OLA1: variants seen among roughly 807,000 people sequenced by gnomAD.
OLA1 encodes the protein Obg like ATPase 1.
Under a neutral mutation model 48.4 loss-of-function variants are expected in OLA1, and 14 were observed. The ratio of observed to expected loss-of-function variants is 0.29; its 90% CI spans 0.19 to 0.45. The LOEUF is 0.45. Ranked by LOEUF, OLA1 falls within the 20% of genes least tolerant of loss-of-function variation. The pLI is 1.00. For missense variants in OLA1, 325 were observed against 467.1 expected, an observed-to-expected ratio of 0.70 and a Z score of 2.80; for synonymous variants, 127 against 150.4, an observed-to-expected ratio of 0.84 and a Z score of 1.14.
chr2:174,147,685 C>A (rs1686642564), intron 4 of OLA1, among the ~76,000 whole-genome samples: 1 of 152,144 alleles, frequency 6.6e-6, no homozygotes, highest in South Asian at 2.1e-4. Flanking sequence ...TGACACCGAC[C>A]AAATGCTAAT....
At chr2:174,225,205 C>G (rs1244339588) in intron 3 of OLA1, among the ~76,000 whole-genome samples, 1 of 152,108 alleles carries the variant, frequency 6.6e-6, no homozygotes, top group African/African-American at 2.4e-5. Context: ...CTCTTGCTCC[C>G]CCTGTCTCCA....
chr2:174,183,026 G>A (rs1391665513), intron 4 of OLA1, among the ~76,000 whole-genome samples: 1 of 152,148 alleles, frequency 6.6e-6, no homozygotes, highest in Non-Finnish European at 1.5e-5. Flanking sequence ...TCACCCTTAA[G>A]TGGCTCCATA....
chr2:174,150,732 G>T (rs1686725509), intron 4 of OLA1, among the ~76,000 whole-genome samples: 1 of 152,174 alleles, frequency 6.6e-6, no homozygotes, highest in Non-Finnish European at 1.5e-5. Flanking sequence ...AATGTGCTAA[G>T]TCTGTGAGAA....
At chr2:174,076,520 G>T (rs1016910593) in intron 10 of OLA1, among the ~76,000 whole-genome samples, 6 of 152,056 alleles carry the variant, frequency 3.9e-5, no homozygotes, top group Non-Finnish European at 4.4e-5. Context: ...TGATAAGAAT[G>T]TTCAAAGCCA....
intron 4 of OLA1, among the ~76,000 whole-genome samples, chr2:174,178,340 C>T (rs187524451): frequency 9.9e-5 from 15 of 151,982 alleles, no homozygotes; most frequent in Non-Finnish European, 2.2e-4. Flanking sequence ...CTGGGAAGAA[C>T]TAAACTAATT....
At chr2:174,110,097 T>A (rs920964133) in intron 7 of OLA1, among the ~76,000 whole-genome samples, 2 of 149,022 alleles carry the variant, frequency 1.3e-5, no homozygotes, top group Non-Finnish European at 3.0e-5. Context: ...AAGGATTTTT[T>A]TTTTTTTTTT....
intron 7 of OLA1, among the ~76,000 whole-genome samples, chr2:174,114,235 G>C (rs1340848950): frequency 2.0e-5 from 3 of 147,302 alleles, no homozygotes; most frequent in Non-Finnish European, 4.5e-5. Context: ...CCAGCTACTC[G>C]GAAGGCTGAG....
At chr2:174,110,302 A>ATTTTTTTTTTTTTT (rs575026912) in intron 7 of OLA1, among the ~76,000 whole-genome samples, 12 of 113,888 alleles carry the variant, frequency 1.1e-4, no homozygotes, top group South Asian at 5.7e-4. Flanking sequence ...CCATGCTTGG[A>ATTTTTTTTTTTTTT]TTTTTTTTTT....
At chr2:174,235,850 G>A (rs1249940243) in intron 2 of OLA1, among the ~76,000 whole-genome samples, 1 of 152,142 alleles carries the variant, frequency 6.6e-6, no homozygotes, top group Non-Finnish European at 1.5e-5. Context: ...AAACAGAGTA[G>A]GATGAACAGT....
intron 4 of OLA1, among the ~76,000 whole-genome samples, chr2:174,212,442 G>A (rs1688264678): frequency 6.6e-6 from 1 of 152,260 alleles, no homozygotes; most frequent in East Asian, 1.9e-4. Flanking sequence ...GTGAATGACT[G>A]GAACATTGAC....
intron 4 of OLA1, among the ~76,000 whole-genome samples, chr2:174,157,663 C>T (rs185943982): frequency 6.6e-6 from 1 of 152,114 alleles, no homozygotes; most frequent in Admixed American, 6.5e-5. Flanking sequence ...TATTTTATAA[C>T]CTTTATTCAT....
chr2:174,190,025 T>C (rs1487233482), intron 4 of OLA1, among the ~76,000 whole-genome samples: 1 of 152,126 alleles, frequency 6.6e-6, no homozygotes, highest in Non-Finnish European at 1.5e-5. Context: ...GTGGAGGCCC[T>C]CCAGGAGACT....
chr2:174,168,920 G>A (rs1209341154), intron 4 of OLA1, among the ~76,000 whole-genome samples: 1 of 150,970 alleles, frequency 6.6e-6, no homozygotes, highest in Non-Finnish European at 1.5e-5. Context: ...CAGAGCCTCA[G>A]GGACCTACTA....
At chr2:174,143,135 C>A (rs1472308826) in intron 4 of OLA1, among the ~76,000 whole-genome samples, 1 of 152,008 alleles carries the variant, frequency 6.6e-6, no homozygotes, top group Non-Finnish European at 1.5e-5. Context: ...TAAGTTGTAT[C>A]TAAATGTGGA....
At chr2:174,107,581 A>C (rs192464802) in intron 7 of OLA1, among the ~76,000 whole-genome samples, 6 of 152,250 alleles carry the variant, frequency 3.9e-5, no homozygotes, top group African/African-American at 9.6e-5. Flanking sequence ...TCCCCAAATT[A>C]ATAGTATAAA....
intron 7 of OLA1, among the ~76,000 whole-genome samples, chr2:174,096,075 T>C (rs1685249158): frequency 6.6e-6 from 1 of 152,186 alleles, no homozygotes; most frequent in Admixed American, 6.5e-5. Context: ...CAATAAGTAG[T>C]ATATCCATAC....
chr2:174,195,448 C>G (rs369932813), intron 4 of OLA1, among the ~76,000 whole-genome samples: 17 of 152,100 alleles, frequency 1.1e-4, no homozygotes, highest in Non-Finnish European at 2.4e-4. Flanking sequence ...TCTGAAAGGC[C>G]TTCTCAGGCA....
chr2:174,075,288 A>C lies in OLA1; in HGVS notation c.*138T>G, dbSNP rs1684708967. 8.3e-6 allele frequency: 5 copies of C among 602,536 alleles called. No homozygotes were observed. The East Asian group carries it at 1.4e-4, about 17-fold the overall frequency. 37.3% of individuals were successfully genotyped at this position (602,536 alleles called of 1,614,324 possible). Reference sequence around the variant, plus strand: ...GGGGTACACAGTATTTTAATTTTAAAACAAATAAAAATAATTTGTTTGTCA... The same window carrying C: ...GGGGTACACAGTATTTTAATTTTAACACAAATAAAAATAATTTGTTTGTCA... On this transcript the variant is annotated 3_prime_UTR_variant, in exon 11 of 11. Transcript: ENST00000284719.
intron 2 of OLA1, among the ~76,000 whole-genome samples, chr2:174,236,117 A>G (rs966863000): frequency 6.6e-6 from 1 of 152,094 alleles, no homozygotes; most frequent in African/African-American, 2.4e-5. Flanking sequence ...TTAGCATTTA[A>G]CATAAAATCC....
Sources: gnomAD v4.1 joint callset for allele counts (sites outside exome capture counted in the v4.1 genomes callset) on GRCh38, gnomAD v4.1.1 for gene constraint, MANE v1.5 for transcripts, NCBI Gene and HGNC (gene_info 2026-07-23, HGNC 2026-07-21) for gene names.